The following ERI3 variants were observed in gnomAD, a reference collection of about 807,000 sequenced individuals.
The protein encoded by ERI3 is ERI1 exoribonuclease 3.
Under a neutral mutation model 44.4 loss-of-function variants are expected in ERI3, and 18 were observed. The observed-to-expected ratio is 0.41, with a 90% CI of 0.28 to 0.60. ERI3 has a LOEUF of 0.60. Ranked by LOEUF, ERI3 falls within the 20% of genes least tolerant of loss-of-function variation. ERI3 has a pLI of 0.36. For synonymous variants in ERI3, 183 were observed against 164.8 expected (o/e 1.11, Z -0.84); for missense variants, 294 against 435.5 (o/e 0.68, Z 2.89).
intron 8 of ERI3, among the ~76,000 whole-genome samples, chr1:44,222,564 T>C (rs1276882698): frequency 6.6e-6 from 1 of 152,162 alleles, no homozygotes; most frequent in Non-Finnish European, 1.5e-5. Context: ...CTCAGCGTCA[T>C]GGACATGGGC....
chr1:44,283,774 C>T (rs935753646), intron 7 of ERI3, among the ~76,000 whole-genome samples: 3 of 152,214 alleles, frequency 2.0e-5, no homozygotes, highest in Non-Finnish European at 2.9e-5. Context: ...ACTTATAAAG[C>T]TTTCTCTTCC....
chr1:44,288,920 A>G (rs1486183514), intron 6 of ERI3, among the ~76,000 whole-genome samples: 2 of 152,174 alleles, frequency 1.3e-5, no homozygotes, highest in Non-Finnish European at 2.9e-5. Flanking sequence ...ATTCCAAGAA[A>G]AGAGCCACTG....
chr1:44,323,625 G>C (rs1362085690), intron 3 of ERI3, among the ~76,000 whole-genome samples: 1 of 152,216 alleles, frequency 6.6e-6, no homozygotes, highest in Non-Finnish European at 1.5e-5. Flanking sequence ...TGCTCTCCAA[G>C]ACATGTGGAA....
At position 44,234,391 on chromosome 1, in the gene ERI3, G is replaced by A. The variant is rs117504565; in HGVS notation, c.932-12751C>T. ...CCCTGTCTTAAAACCCGGGCTGGGC[G>A]TGGTGGCTCACGCTATAATCCCAGC... On this transcript the variant is annotated intron_variant, in intron 8 of 8. Transcript: ENST00000372257. Among the ~76,000 whole-genome samples, 4 of 152,188 alleles carry A rather than the reference G, an allele frequency of 2.6e-5. No homozygotes were observed. The East Asian group carries it at 7.8e-4, about 30-fold the overall frequency.
intron 5 of ERI3, among the ~76,000 whole-genome samples, chr1:44,310,770 A>G (rs934929838): frequency 6.6e-6 from 1 of 152,016 alleles, no homozygotes; most frequent in African/African-American, 2.4e-5. Flanking sequence ...TACCAACCAG[A>G]ATATCAGAGC....
chr1:44,248,726 T>TGTGTGTGG (rs1553183713), intron 7 of ERI3, among the ~76,000 whole-genome samples: 1 of 150,916 alleles, frequency 6.6e-6, no homozygotes, highest in African/African-American at 2.4e-5. Flanking sequence ...TGTGTGTGTG[T>TGTGTGTGG]GGTAGGGGGA....
intron 6 of ERI3, among the ~76,000 whole-genome samples, chr1:44,304,193 T>C (rs1422592473): frequency 6.6e-6 from 1 of 152,042 alleles, no homozygotes; most frequent in African/African-American, 2.4e-5. Context: ...GGCGTTTAGG[T>C]GGCAGATGAG....
intron 4 of ERI3, among the ~76,000 whole-genome samples, chr1:44,314,345 G>T (rs1300358361): frequency 6.6e-6 from 1 of 152,076 alleles, no homozygotes; most frequent in East Asian, 1.9e-4. Flanking sequence ...GTGGGTTTCT[G>T]TAGTTCATCA....
chr1:44,354,258 G>T (rs1322912976), intron 1 of ERI3: 1 of 985,414 alleles, frequency 1.0e-6, no homozygotes, highest in Non-Finnish European at 1.2e-6. Flanking sequence ...CCATTGAAGT[G>T]GCCAGAGACC....
intron 6 of ERI3, among the ~76,000 whole-genome samples, chr1:44,292,228 A>C (rs1291932148): frequency 1.3e-5 from 2 of 151,848 alleles, no homozygotes; most frequent in Non-Finnish European, 2.9e-5. Flanking sequence ...AAGTTCCAGA[A>C]CCACTCCACA....
At chr1:44,304,135 T>C (rs908469823) in intron 6 of ERI3, among the ~76,000 whole-genome samples, 17 of 152,112 alleles carry the variant, frequency 1.1e-4, no homozygotes, top group African/African-American at 4.1e-4. Flanking sequence ...AAGGGGCCTA[T>C]GGACGTCTAG....
chr1:44,317,953 C>T (rs914524722), intron 4 of ERI3, among the ~76,000 whole-genome samples: 9 of 152,138 alleles, frequency 5.9e-5, no homozygotes, highest in Non-Finnish European at 1.2e-4. Context: ...AGACCCGGTG[C>T]CTACAGAACA....
intron 3 of ERI3, 89 bp downstream of exon 3, chr1:44,338,956 G>A (rs1646590692): frequency 1.4e-6 from 2 of 1,477,038 alleles, no homozygotes; most frequent in Non-Finnish European, 1.8e-6. Flanking sequence ...GAAGGCATGA[G>A]AAAGCTCCTT....
Position 44,244,851 on chromosome 1 carries a change from C to A in ERI3, c.931+3088G>T, listed in dbSNP as rs185675338. Among the ~76,000 whole-genome samples, 462 of 152,216 alleles carry A rather than the reference C, an allele frequency of 3.0e-3. 1 individual carries two copies. Among genetic ancestry groups the A allele is most frequent in the Non-Finnish European group, 4.6e-3 (311 of 67,992 alleles). On this transcript the variant is annotated intron_variant, in intron 8 of 8. Transcript: ENST00000372257. ...CAAGTCTGCCTCCGTGTTCTCTCAG[C>A]ACCTCCACACCACCCATGCCACACC...
chr1:44,249,122 G>A (rs1224725024), intron 7 of ERI3, among the ~76,000 whole-genome samples: 2 of 152,164 alleles, frequency 1.3e-5, no homozygotes, highest in African/African-American at 4.8e-5. Flanking sequence ...GCTTCTCCGG[G>A]TAGGCCTGGT....
At chr1:44,302,180 G>A (rs143824706) in intron 6 of ERI3, among the ~76,000 whole-genome samples, 7 of 152,324 alleles carry the variant, frequency 4.6e-5, no homozygotes, top group South Asian at 2.1e-4. Context: ...CTTCCTGGCC[G>A]TTGTGGAGAA....
At chr1:44,304,432 A>AG (rs1311036556) in intron 6 of ERI3, among the ~76,000 whole-genome samples, 1 of 152,214 alleles carries the variant, frequency 6.6e-6, no homozygotes, top group African/African-American at 2.4e-5. Context: ...GAGGAGGAGA[A>AG]GCCAGAGAAA....
chr1:44,330,038 G>C (rs1443904800), intron 3 of ERI3, among the ~76,000 whole-genome samples: 1 of 152,126 alleles, frequency 6.6e-6, no homozygotes, highest in Non-Finnish European at 1.5e-5. Flanking sequence ...TCTCTCTCAA[G>C]TACTGCATCC....
chr1:44,222,461 A>C (rs1306834454), intron 8 of ERI3, among the ~76,000 whole-genome samples: 1 of 152,206 alleles, frequency 6.6e-6, no homozygotes, highest in Non-Finnish European at 1.5e-5. Flanking sequence ...ATGTGTCTGC[A>C]TGTATCAGAC....
Sources: gnomAD v4.1 joint callset for allele counts (sites outside exome capture counted in the v4.1 genomes callset) on GRCh38, gnomAD v4.1.1 for gene constraint, MANE v1.5 for transcripts, NCBI Gene and HGNC (gene_info 2026-07-23, HGNC 2026-07-21) for gene names.